Variants in HFM1 observed in about 807,000 individuals in gnomAD.
HFM1 encodes probable ATP-dependent DNA helicase HFM1.
A neutral mutation model predicts 192.1 loss-of-function variants in HFM1; 169 were observed. The ratio of observed to expected loss-of-function variants is 0.88; its 90% CI spans 0.78 to 1.00. HFM1 has a LOEUF of 1.00. Ranked by LOEUF, HFM1 falls within the 50% of genes least tolerant of loss-of-function variation. The pLI, the probability that HFM1 is intolerant of heterozygous loss-of-function variation, is 0.00. For synonymous variants in HFM1, 525 were observed against 537.8 expected, an observed-to-expected ratio of 0.98 and a Z score of 0.33; for missense variants, 1,661 against 1,668.0, an observed-to-expected ratio of 1.00 and a Z score of 0.07.
chr1:91,364,518 A>G (rs1050200169), intron 13 of HFM1, among the ~76,000 whole-genome samples: 13 of 150,502 alleles, frequency 8.6e-5, no homozygotes, highest in Admixed American at 1.3e-4. Context: ...CATAGTAGTT[A>G]AGATATGGAA....
At chr1:91,390,431 C>CAAA (rs35060980) in intron 4 of HFM1, among the ~76,000 whole-genome samples, 2 of 140,372 alleles carry the variant, frequency 1.4e-5, no homozygotes, top group Non-Finnish European at 1.5e-5. Context: ...GTAAGACTCC[C>CAAA]AAAGAAAAAA....
Position 91,264,359 on chromosome 1 carries a change from G to GTTTTTTTTTTTTTTTTTTTTTTTT in HFM1, c.3974+1657_3974+1658insAAAAAAAAAAAAAAAAAAAAAAAA, listed in dbSNP as rs1466938761. On this transcript the variant is annotated intron_variant, in intron 36 of 38. Transcript: ENST00000370425. ...AATTCCAAGGGATACCACAAATTTAGTATTTTTTTTTTTTTTTTTTTTTTT... is the reference window on the plus strand; with the variant it reads ...AATTCCAAGGGATACCACAAATTTAGTTTTTTTTTTTTTTTTTTTTTTTTTATTTTTTTTTTTTTTTTTTTTTTT... 1.3e-4 allele frequency among the ~76,000 whole-genome samples: 7 copies of GTTTTTTTTTTTTTTTTTTTTTTTT among 54,076 alleles called. 1 individual carries two copies. In the South Asian group the frequency reaches 2.0e-3, roughly 16 times the overall value. The allele number at this position is 54,076 out of a possible 152,430, so 35.5% of individuals were successfully genotyped here.
At chr1:91,300,159 T>A (rs1297174472) in intron 30 of HFM1, among the ~76,000 whole-genome samples, 1 of 152,144 alleles carries the variant, frequency 6.6e-6, no homozygotes, top group Admixed American at 6.5e-5. Flanking sequence ...TAAACACCTC[T>A]ATGCAAATAA....
chr1:91,321,962 A>G (rs1208003024), intron 23 of HFM1, among the ~76,000 whole-genome samples: 1 of 152,244 alleles, frequency 6.6e-6, no homozygotes, highest in Non-Finnish European at 1.5e-5. Context: ...GAGAAAATCA[A>G]GAGTTCTAGA....
At position 91,400,876 on chromosome 1, in the gene HFM1, A is replaced by G. The variant is rs139723679; in HGVS notation, c.71+136T>C. 1.5e-4 allele frequency: 77 copies of G among 517,130 alleles called. 1 individual carries two copies. The South Asian group carries it at 1.6e-3, about 11-fold the overall frequency. The allele number at this position is 517,130 out of a possible 1,614,324, so 32.0% of individuals were successfully genotyped here. On this transcript the variant is annotated intron_variant, in intron 2 of 38. Transcript: ENST00000370425. ...TGGTAAGAGAATTCCATGTTTACCA[A>G]ATATGTAACTGAAATATCGTTCTGT...
intron 20 of HFM1, among the ~76,000 whole-genome samples, chr1:91,330,836 G>C (rs1653720759): frequency 6.6e-6 from 1 of 152,136 alleles, no homozygotes; most frequent in Non-Finnish European, 1.5e-5. Context: ...AGGGATGCAA[G>C]GATAGTTCAA....
intron 19 of HFM1, among the ~76,000 whole-genome samples, chr1:91,345,128 A>T (rs1655959592): frequency 6.6e-6 from 1 of 152,146 alleles, no homozygotes; most frequent in South Asian, 2.1e-4. Context: ...TAAACACATT[A>T]CCTTTTCTAA....
At chr1:91,294,074 A>G (rs1354449310) in intron 30 of HFM1, among the ~76,000 whole-genome samples, 2 of 149,972 alleles carry the variant, frequency 1.3e-5, no homozygotes, top group African/African-American at 4.9e-5. Context: ...GGGAAGGGAT[A>G]GCATTGGGAG....
intron 21 of HFM1, 70 bp from the exon 22 acceptor site, chr1:91,323,269 T>G (rs1240177861): frequency 1.2e-6 from 1 of 848,316 alleles, no homozygotes; most frequent in Non-Finnish European, 1.9e-6. Context: ...TTCTCCAAAT[T>G]TATTTATTTT....
At chr1:91,338,405 C>G (rs1295708972) in intron 20 of HFM1, among the ~76,000 whole-genome samples, 1 of 152,212 alleles carries the variant, frequency 6.6e-6, no homozygotes, top group African/African-American at 2.4e-5. Context: ...TGAGTGCCCC[C>G]TGACTGCCAG....
At chr1:91,277,818 T>G (rs1165701306) in intron 30 of HFM1, among the ~76,000 whole-genome samples, 1 of 125,990 alleles carries the variant, frequency 7.9e-6, no homozygotes, top group South Asian at 2.2e-4. Context: ...ATATATAATA[T>G]ATATACTTTA....
intron 9 of HFM1, 22 bp from the exon 10 acceptor site, chr1:91,378,502 C>T: frequency 7.1e-7 from 1 of 1,406,016 alleles, no homozygotes. Context: ...AAAAAGCATA[C>T]AAGTAGTTTA....
intron 30 of HFM1, among the ~76,000 whole-genome samples, chr1:91,289,670 G>C (rs648463): frequency 1 from 152,090 of 152,272 alleles, 75,954 homozygotes; most frequent in Non-Finnish European, 1. Flanking sequence ...GACCAGCCCG[G>C]CCAACACAGC....
In HFM1 at chr1:91,311,031, A is replaced by G. The variant is rs1425650041; in HGVS notation, c.3391+2318T>C. On this transcript the variant is annotated intron_variant, in intron 30 of 38. Transcript: ENST00000370425. ...GGAGAGCTCAGAGGAAGACAGGAAA[A>G]TGTAGGAAAGTTTGGAACTTCCTAG... Among the ~76,000 whole-genome samples, 4 of 152,228 alleles carry G rather than the reference A, an allele frequency of 2.6e-5. No individual in the cohort carries two copies. The East Asian group carries it at 7.7e-4, about 29-fold the overall frequency.
chr1:91,289,049 C>T (rs1219156906), intron 30 of HFM1, among the ~76,000 whole-genome samples: 2 of 151,404 alleles, frequency 1.3e-5, no homozygotes, highest in Admixed American at 1.3e-4. Flanking sequence ...GCGGGGGCTG[C>T]CCCCCACCTC....
At chr1:91,293,591 G>A (rs12752518) in intron 30 of HFM1, among the ~76,000 whole-genome samples, 24,020 of 141,806 alleles carry the variant, frequency 0.17, 2,591 homozygotes, top group Middle Eastern at 0.29. Flanking sequence ...ACACTTTTAC[G>A]CTGTTGGTGG....
intron 13 of HFM1, among the ~76,000 whole-genome samples, chr1:91,359,407 C>G (rs1211511093): frequency 2.0e-5 from 3 of 152,060 alleles, no homozygotes; most frequent in Non-Finnish European, 2.9e-5. Flanking sequence ...TAGAGAGGAA[C>G]ATAACTGATC....
At chr1:91,352,398 A>T in intron 16 of HFM1, 108 bp downstream of exon 16, 1 of 766,258 alleles carries the variant, frequency 1.3e-6, no homozygotes, top group Non-Finnish European at 2.0e-6. Context: ...TTTCTCTGCT[A>T]TATTACTTTT....
Position 91,261,077 on chromosome 1 carries a change from C to A in HFM1, c.*213G>T, listed in dbSNP as rs1665115215. On this transcript the variant is annotated 3_prime_UTR_variant, in exon 39 of 39. Transcript: ENST00000370425. The stretch of plus-strand genomic sequence containing the variant: ...CCCTTAACTTAAGGGCTTATTGAAA[C>A]AAAGCCACTGTAAAAGAGCTTTTCA... 3.1e-6 allele frequency: 1 copy of A among 321,560 alleles called. No individual in the cohort carries two copies. Among genetic ancestry groups the A allele is most frequent in the Non-Finnish European group, 5.9e-6 (1 of 170,154 alleles). 19.9% of individuals were successfully genotyped at this position (321,560 alleles called of 1,614,324 possible). A position where few individuals can be genotyped will look rare whatever the true frequency, so the allele number is the denominator to read the frequency against.
Sources: gnomAD v4.1 joint callset for allele counts (sites outside exome capture counted in the v4.1 genomes callset) on GRCh38, gnomAD v4.1.1 for gene constraint, MANE v1.5 for transcripts, NCBI Gene and HGNC (gene_info 2026-07-23, HGNC 2026-07-21) for gene names.